Variants in DCC observed in about 807,000 individuals in gnomAD.
DCC encodes the protein DCC netrin 1 receptor.
A neutral mutation model predicts 172.5 loss-of-function variants in DCC; 58 were observed. That is an observed-to-expected ratio of 0.34 (90% CI 0.27 to 0.42). The LOEUF (loss-of-function observed/expected upper bound fraction) is 0.42. Among genes scored for constraint, DCC ranks in the 10% least tolerant of loss-of-function variants. The pLI, the probability that DCC is intolerant of heterozygous loss-of-function variation, is 1.00. For synonymous variants in DCC, 709 were observed against 644.5 expected (o/e 1.10, Z -1.52); for missense variants, 1,740 against 1,791.0 (o/e 0.97, Z 0.51).
At chr18:53,120,793 G>A (rs554811535) in intron 7 of DCC, among the ~76,000 whole-genome samples, 193 of 151,828 alleles carry the variant, frequency 1.3e-3, no homozygotes, top group African/African-American at 3.7e-3. Context: ...TCTTGGTTGG[G>A]TGGGAGGAGA....
intron 15 of DCC, among the ~76,000 whole-genome samples, chr18:53,369,511 A>G (rs2058039206): frequency 6.6e-6 from 1 of 151,880 alleles, no homozygotes. Flanking sequence ...TAAAACTTTC[A>G]AGTACTATTA....
At position 52,664,474 on chromosome 18, in the gene DCC, T is replaced by C. The variant is rs867779839; in HGVS notation, c.92-87580T>C. On this transcript the variant is annotated intron_variant, in intron 1 of 28. Transcript: ENST00000442544. ...TATCTTTTTTCTTTTCTTTTTCTTT[T>C]TCTTTTTTTTTTTTTTTTGAGACCG... 7.3e-3 allele frequency among the ~76,000 whole-genome samples: 912 copies of C among 125,160 alleles called. 24 individuals carry two copies. The highest frequency in any genetic ancestry group is 0.027 in the African/African-American group (866 of 31,692). 82.1% of individuals were successfully genotyped at this position (125,160 alleles called of 152,430 possible).
At chr18:52,620,666 T>C (rs1399382043) in intron 1 of DCC, among the ~76,000 whole-genome samples, 2 of 145,062 alleles carry the variant, frequency 1.4e-5, no homozygotes, top group African/African-American at 5.0e-5. Flanking sequence ...CAAATGTAAA[T>C]TGGAGTCATA....
chr18:53,324,612 A>G (rs2057447423), intron 14 of DCC, among the ~76,000 whole-genome samples: 1 of 152,136 alleles, frequency 6.6e-6, no homozygotes, highest in African/African-American at 2.4e-5. Context: ...CCCTTCAAGT[A>G]GAAGAAAAAT....
intron 2 of DCC, among the ~76,000 whole-genome samples, chr18:52,899,599 C>G (rs2039781348): frequency 6.6e-6 from 1 of 151,992 alleles, no homozygotes; most frequent in South Asian, 2.1e-4. Flanking sequence ...AGGTGATCCG[C>G]CCGCCTCAGC....
chr18:52,830,403 T>C (rs2038591990), intron 2 of DCC, among the ~76,000 whole-genome samples: 1 of 152,186 alleles, frequency 6.6e-6, no homozygotes, highest in Non-Finnish European at 1.5e-5. Context: ...CTGGAAAGTC[T>C]TGTCAACTAT....
intron 8 of DCC, among the ~76,000 whole-genome samples, chr18:53,163,399 C>A (rs1165845568): frequency 2.0e-5 from 3 of 152,066 alleles, no homozygotes; most frequent in African/African-American, 4.8e-5. Context: ...TTTGATTTTT[C>A]TGGCTTTCAA....
intron 2 of DCC, among the ~76,000 whole-genome samples, chr18:52,849,766 C>A (rs2038947404): frequency 6.6e-6 from 1 of 151,978 alleles, no homozygotes; most frequent in African/African-American, 2.4e-5. Flanking sequence ...GACAAAGGAG[C>A]CAAAGGGACA....
chr18:52,730,143 G>A (rs1399880650), intron 1 of DCC, among the ~76,000 whole-genome samples: 1 of 152,108 alleles, frequency 6.6e-6, no homozygotes, highest in African/African-American at 2.4e-5. Flanking sequence ...TAAGAGTAGA[G>A]GGCAGTGGTT....
chr18:53,287,576 G>A (rs918167227), intron 12 of DCC, among the ~76,000 whole-genome samples: 2 of 152,092 alleles, frequency 1.3e-5, no homozygotes, highest in Non-Finnish European at 2.9e-5. Context: ...ATTTTTCAAA[G>A]AGGCAACATC....
intron 2 of DCC, among the ~76,000 whole-genome samples, chr18:52,756,009 C>G (rs1398579986): frequency 6.6e-6 from 1 of 152,192 alleles, no homozygotes; most frequent in Non-Finnish European, 1.5e-5. Context: ...TTCCATCCAA[C>G]ATTTTCTTAA....
intron 2 of DCC, among the ~76,000 whole-genome samples, chr18:52,779,861 T>C (rs950595421): frequency 6.6e-6 from 1 of 152,226 alleles, no homozygotes; most frequent in Non-Finnish European, 1.5e-5. Context: ...TGGCATGAGA[T>C]GGTATCTATT....
intron 7 of DCC, among the ~76,000 whole-genome samples, chr18:53,099,487 T>A (rs925685408): frequency 6.6e-6 from 1 of 152,124 alleles, no homozygotes; most frequent in Non-Finnish European, 1.5e-5. Flanking sequence ...CAGAATATAG[T>A]TTCAATTCTG....
At chr18:52,781,604 C>T (rs2037545221) in intron 2 of DCC, among the ~76,000 whole-genome samples, 1 of 151,858 alleles carries the variant, frequency 6.6e-6, no homozygotes, top group African/African-American at 2.4e-5. Flanking sequence ...TCATAGTCTG[C>T]CATCCACTTC....
chr18:52,579,640 T>C (rs2033497559), intron 1 of DCC, among the ~76,000 whole-genome samples: 1 of 152,206 alleles, frequency 6.6e-6, no homozygotes, highest in South Asian at 2.1e-4. Context: ...AGGCTCAAGG[T>C]TAAGAGCATA....
In DCC at chr18:53,109,855, G is replaced by A. The variant is rs113164939; in HGVS notation, c.1261+43689G>A. On this transcript the variant is annotated intron_variant, in intron 7 of 28. Coordinates refer to ENST00000442544, the MANE Select transcript of DCC (RefSeq NM_005215.4). Reference sequence around the variant, plus strand: ...CTGAGTTTTCTGGTCTACCATTACAGGAAGCAGAATTCTTGTTTTATTTGT... The same window carrying A: ...CTGAGTTTTCTGGTCTACCATTACAAGAAGCAGAATTCTTGTTTTATTTGT... 7.9e-3 allele frequency among the ~76,000 whole-genome samples: 1,192 copies of A among 151,620 alleles called. 17 individuals are homozygous for A. Among genetic ancestry groups the A allele is most frequent in the African/African-American group, 0.027 (1,110 of 41,442 alleles).
intron 12 of DCC, among the ~76,000 whole-genome samples, chr18:53,262,307 A>G (rs1479648202): frequency 6.6e-6 from 1 of 152,202 alleles, no homozygotes; most frequent in Admixed American, 6.5e-5. Context: ...TATACAGACC[A>G]AATGCTATTT....
intron 1 of DCC, among the ~76,000 whole-genome samples, chr18:52,719,705 G>T (rs1246058601): frequency 3.9e-5 from 6 of 152,172 alleles, no homozygotes; most frequent in Non-Finnish European, 8.8e-5. Flanking sequence ...TTTTGATGTG[G>T]GGTCTGTCAG....
At chr18:53,481,681 A>G (rs1181309421) in intron 25 of DCC, among the ~76,000 whole-genome samples, 1 of 152,190 alleles carries the variant, frequency 6.6e-6, no homozygotes, top group Non-Finnish European at 1.5e-5. Flanking sequence ...CAATTCTGTC[A>G]AGTACCATGT....
Sources: gnomAD v4.1 joint callset for allele counts (sites outside exome capture counted in the v4.1 genomes callset) on GRCh38, gnomAD v4.1.1 for gene constraint, MANE v1.5 for transcripts, NCBI Gene and HGNC (gene_info 2026-07-23, HGNC 2026-07-21) for gene names.